The following KIF21A variants were observed in gnomAD, a reference collection of about 807,000 sequenced individuals.
KIF21A encodes kinesin family member 21A.
KIF21A carries 114 observed loss-of-function variants against 202.9 expected under a neutral mutation model. The ratio of observed to expected loss-of-function variants is 0.56; its 90% CI spans 0.48 to 0.66. KIF21A has a LOEUF of 0.66. Ranked by LOEUF, KIF21A falls within the 30% of genes least tolerant of loss-of-function variation. The pLI is 0.00. For synonymous variants in KIF21A, 667 were observed against 670.8 expected (o/e 0.99, Z 0.09); for missense variants, 1,677 against 1,994.9 (o/e 0.84, Z 3.04).
At chr12:39,390,133 T>C (rs754615147) in intron 1 of KIF21A, among the ~76,000 whole-genome samples, 79 of 152,158 alleles carry the variant, frequency 5.2e-4, no homozygotes, top group Admixed American at 2.0e-4. Context: ...ATGCTTCCCA[T>C]CTGGCAGGTT....
At chr12:39,380,188 G>C (rs1304319631) in intron 1 of KIF21A, among the ~76,000 whole-genome samples, 1 of 152,148 alleles carries the variant, frequency 6.6e-6, no homozygotes, top group Non-Finnish European at 1.5e-5. Context: ...GGCTGGTCTT[G>C]AACTCCTGTG....
At chr12:39,370,480 CAAAA>C (rs1949880511) in intron 1 of KIF21A, among the ~76,000 whole-genome samples, 1 of 152,062 alleles carries the variant, frequency 6.6e-6, no homozygotes, top group East Asian at 1.9e-4. Context: ...AACAATCCCC[CAAAA>C]TCATGAACAA....
chr12:39,307,564 C>T lies in KIF21A; in HGVS notation c.4442+1G>A. 6.2e-7 allele frequency: 1 copy of T among 1,613,480 alleles called. No individual in the cohort carries two copies. The highest frequency in any genetic ancestry group is 8.5e-7 in the Non-Finnish European group (1 of 1,179,460). On this transcript the variant is annotated splice_donor_variant, in intron 34 of 37. Transcript: ENST00000361418. LOFTEE classifies it high-confidence loss of function. The stretch of plus-strand genomic sequence containing the variant: ...AGGTATGTTTTCTTAAAAATATCTA[C>T]CTTTTAAGATCCCACATCCTGACAG...
At chr12:39,355,447 AAAGAG>A (rs1251556044) in intron 10 of KIF21A, among the ~76,000 whole-genome samples, 5 of 152,080 alleles carry the variant, frequency 3.3e-5, no homozygotes, top group African/African-American at 1.2e-4. Context: ...CAAAGAAATA[AAAGAG>A]AAAAGAGACG....
At chr12:39,300,875 C>A (rs540233571) in intron 37 of KIF21A, among the ~76,000 whole-genome samples, 1 of 152,230 alleles carries the variant, frequency 6.6e-6, no homozygotes, top group African/African-American at 2.4e-5. Flanking sequence ...CACCATTGCA[C>A]TTGTCACCAT....
intron 1 of KIF21A, among the ~76,000 whole-genome samples, chr12:39,390,202 C>T (rs1275100303): frequency 6.6e-6 from 1 of 151,994 alleles, no homozygotes; most frequent in Non-Finnish European, 1.5e-5. Context: ...ACAACAACAA[C>T]AAAAAAACAC....
At chr12:39,441,120 TA>T (rs1331349831) in intron 1 of KIF21A, among the ~76,000 whole-genome samples, 2 of 152,208 alleles carry the variant, frequency 1.3e-5, no homozygotes, top group African/African-American at 4.8e-5. Context: ...TATGGCTTAC[TA>T]AGTTATGTTG....
At chr12:39,329,316 A>G (rs1165379765) in intron 24 of KIF21A, among the ~76,000 whole-genome samples, 1 of 152,234 alleles carries the variant, frequency 6.6e-6, no homozygotes, top group Non-Finnish European at 1.5e-5. Flanking sequence ...TGGAAAACAG[A>G]GACACTGCTC....
At chr12:39,369,412 A>T (rs1949808559) in intron 3 of KIF21A, among the ~76,000 whole-genome samples, 1 of 152,164 alleles carries the variant, frequency 6.6e-6, no homozygotes, top group Non-Finnish European at 1.5e-5. Flanking sequence ...GTGAGCCGAA[A>T]TGGTGCCATT....
Position 39,412,639 on chromosome 12 carries a change from A to G in KIF21A, c.44+30288T>C, listed in dbSNP as rs559022278. On this transcript the variant is annotated intron_variant, in intron 1 of 37. Coordinates refer to ENST00000361418, the MANE Select transcript of KIF21A (RefSeq NM_001173464.2). ...ACTGAGGGGTGGGAGGATTGCTTGA[A>G]CCTAGAAAATGAAGGTTGCAGCGAG... Among the ~76,000 whole-genome samples, 7 of 152,088 alleles carry G rather than the reference A, an allele frequency of 4.6e-5. No homozygotes were observed. In the South Asian group the frequency reaches 6.2e-4, roughly 14 times the overall value.
chr12:39,397,973 G>A (rs999107328), intron 1 of KIF21A, among the ~76,000 whole-genome samples: 2 of 152,180 alleles, frequency 1.3e-5, no homozygotes, highest in African/African-American at 4.8e-5. Context: ...ACACAAATCT[G>A]ACACAATATT....
rs1298509492 is a variant in KIF21A, at chr12:39,332,292, T to C, written c.2973A>G (p.Ser991=). 7.4e-6 allele frequency: 12 copies of C among 1,613,730 alleles called. No homozygotes were observed. The highest frequency in any genetic ancestry group is 1.0e-5 in the Non-Finnish European group (12 of 1,179,792). The change falls in exon 21 of 38, where the codon TCA becomes TCG. Residue 991 remains serine (S), a synonymous_variant. Coordinates refer to ENST00000361418, the MANE Select transcript of KIF21A (RefSeq NM_001173464.2). ...TGATGTAATCGATATTAGCAGTCAG[T>C]GACTCCATCTCTTCATTGATATTAG... ...NVANINEEME[S]LTANIDYIND... is the part of the protein sequence containing the mutation.
At chr12:39,403,620 A>G (rs1433235446) in intron 1 of KIF21A, among the ~76,000 whole-genome samples, 2 of 152,218 alleles carry the variant, frequency 1.3e-5, no homozygotes, top group Non-Finnish European at 2.9e-5. Flanking sequence ...AATGAAAGTA[A>G]TAATACCTGT....
At chr12:39,378,769 G>A (rs1474410729) in intron 1 of KIF21A, among the ~76,000 whole-genome samples, 1 of 152,050 alleles carries the variant, frequency 6.6e-6, no homozygotes, top group Non-Finnish European at 1.5e-5. Flanking sequence ...CAGAGGTAGG[G>A]GAACGATAAG....
intron 1 of KIF21A, among the ~76,000 whole-genome samples, chr12:39,377,594 A>T (rs1219146176): frequency 6.6e-6 from 1 of 152,178 alleles, no homozygotes; most frequent in Non-Finnish European, 1.5e-5. Context: ...GGCACTGCAT[A>T]AATAATAAGT....
At chr12:39,333,541 T>C (rs1215853016) in intron 17 of KIF21A, among the ~76,000 whole-genome samples, 1 of 152,206 alleles carries the variant, frequency 6.6e-6, no homozygotes, top group African/African-American at 2.4e-5. Flanking sequence ...CATTTGGTGC[T>C]TACTATGTGC....
chr12:39,369,243 G>A (rs1362519588), intron 3 of KIF21A, among the ~76,000 whole-genome samples: 1 of 152,138 alleles, frequency 6.6e-6, no homozygotes, highest in Non-Finnish European at 1.5e-5. Context: ...TGAATAGCTT[G>A]AGGCCAGGAG....
rs181656376 is a variant in KIF21A, at chr12:39,416,759, A to G, written c.44+26168T>C. Among the ~76,000 whole-genome samples the G allele has an allele frequency of 5.2e-4, 67 of 128,718 alleles. 1 individual carries two copies. Among genetic ancestry groups the G allele is most frequent in the African/African-American group, 1.3e-3 (41 of 31,788 alleles). The allele number at this position is 128,718 out of a possible 152,430, so 84.4% of individuals were successfully genotyped here. A position where few individuals can be genotyped will look rare whatever the true frequency, so the allele number is the denominator to read the frequency against. ...TGTGTATATATATATGTACATATAT[A>G]TGTGTATATATATATGTACATATAT... On this transcript the variant is annotated intron_variant, in intron 1 of 37. Coordinates refer to ENST00000361418, the MANE Select transcript of KIF21A (RefSeq NM_001173464.2).
chr12:39,433,318 A>G (rs949650908), intron 1 of KIF21A, among the ~76,000 whole-genome samples: 1 of 152,184 alleles, frequency 6.6e-6, no homozygotes, highest in African/African-American at 2.4e-5. Context: ...TCTATTAATG[A>G]GTATTGCAGG....
Sources: allele counts gnomAD v4.1 joint callset (sites outside exome capture counted in the v4.1 genomes callset), GRCh38; gene constraint gnomAD v4.1.1; transcripts MANE v1.5; gene names NCBI Gene and HGNC (gene_info 2026-07-23, HGNC 2026-07-21).